Variants in ATP13A5 observed in about 807,000 individuals in gnomAD.
The protein encoded by ATP13A5 is probable cation-transporting ATPase 13A5.
Under a neutral mutation model 150.2 loss-of-function variants are expected in ATP13A5, and 149 were observed. That is an observed-to-expected ratio of 0.99 (90% CI 0.87 to 1.14). The LOEUF (loss-of-function observed/expected upper bound fraction) is 1.14, where lower values mean the gene tolerates loss of function less well. Among genes scored for constraint, ATP13A5 ranks in the 50% most tolerant of loss-of-function variants. The pLI is 0.00. For synonymous variants in ATP13A5, 497 were observed against 522.2 expected (o/e 0.95, Z 0.66); for missense variants, 1,383 against 1,449.3 (o/e 0.95, Z 0.74).
In ATP13A5 at chr3:193,362,365, A is replaced by C. The variant is rs1311238536; in HGVS notation, c.536+16T>G. 6.2e-7 allele frequency: 1 copy of C among 1,608,102 alleles called. No homozygotes were observed. On this transcript the variant is annotated intron_variant, in intron 5 of 29. Transcript: ENST00000342358. ...TGCTGGCAGAGTTTACTCTTAAGGC[A>C]TATAATAAGTCCTACCTGACCTCTT...
At chr3:193,349,690 A>C (rs1712487070) in intron 7 of ATP13A5, among the ~76,000 whole-genome samples, 1 of 152,152 alleles carries the variant, frequency 6.6e-6, no homozygotes, top group Non-Finnish European at 1.5e-5. Flanking sequence ...TTAAAACATC[A>C]ATGAGACCCG....
At chr3:193,366,517 T>C (rs1228514711) in intron 1 of ATP13A5, among the ~76,000 whole-genome samples, 2 of 151,960 alleles carry the variant, frequency 1.3e-5, no homozygotes, top group Non-Finnish European at 2.9e-5. Context: ...AAAGGAAGGA[T>C]ATTTCATAAG....
intron 6 of ATP13A5, 66 bp downstream of exon 6, chr3:193,354,061 C>T: frequency 7.4e-7 from 1 of 1,342,528 alleles, no homozygotes; most frequent in East Asian, 2.3e-5. Context: ...TGTGTTCCTT[C>T]TAGGAAGTAA....
chr3:193,285,988 T>G (rs1446191467), intron 26 of ATP13A5, among the ~76,000 whole-genome samples: 1 of 152,228 alleles, frequency 6.6e-6, no homozygotes, highest in Non-Finnish European at 1.5e-5. Context: ...GGGATTTTTT[T>G]GTGGTTTTGT....
At chr3:193,294,777 A>G (rs1224432753) in intron 25 of ATP13A5, among the ~76,000 whole-genome samples, 2 of 152,140 alleles carry the variant, frequency 1.3e-5, no homozygotes, top group African/African-American at 2.4e-5. Context: ...TTGAAAATAC[A>G]TTTATGCTGT....
Position 193,314,014 on chromosome 3 carries a change from C to A in ATP13A5, c.2319+19G>T, listed in dbSNP as rs367784705. ...CCATCAGTCTAGGCCCACGGAGGGG[C>A]CTTCTAACATTTGCTCACTTTCTTC... is the stretch of plus-strand genomic sequence containing the variant. On this transcript the variant is annotated intron_variant, in intron 19 of 29. Transcript: ENST00000342358. The A allele has an allele frequency of 1.4e-5, 23 of 1,611,584 alleles. No individual in the cohort carries two copies. The African/African-American group carries it at 2.4e-4, about 17-fold the overall frequency.
At chr3:193,366,503 G>A (rs1419333435) in intron 1 of ATP13A5, among the ~76,000 whole-genome samples, 1 of 151,910 alleles carries the variant, frequency 6.6e-6, no homozygotes, top group Non-Finnish European at 1.5e-5. Context: ...AATACTATGA[G>A]AGCAAAGGAA....
At position 193,362,414 on chromosome 3, in the gene ATP13A5, C is replaced by G. The variant is rs771592249; in HGVS notation, c.503G>C (p.Gly168Ala). 1.9e-6 allele frequency: 3 copies of G among 1,614,118 alleles called. No homozygotes were observed. The highest frequency in any genetic ancestry group is 1.7e-6 in the Non-Finnish European group (2 of 1,179,984). The stretch of plus-strand genomic sequence containing the variant: ...TTGCTCTTCACTGGTCAGACCCAAT[C>G]CAAATGTCTGATGGATGTCAGAGCA... The part of the protein sequence containing the change: ...NSCSDIHQTF[G>A]LGLTSEEQEV... The change falls in exon 5 of 30, where the codon GGA becomes GCA. Residue 168 changes from glycine (G) to alanine (A), a missense_variant. This residue lies in a region of ATP13A5 where 787 missense variants were observed against 771.9 expected (regional missense o/e 1.02). Coordinates refer to ENST00000342358, the MANE Select transcript of ATP13A5 (RefSeq NM_198505.4).
At chr3:193,276,295 A>C (rs1424845286) in intron 29 of ATP13A5, among the ~76,000 whole-genome samples, 2 of 152,232 alleles carry the variant, frequency 1.3e-5, no homozygotes, top group Non-Finnish European at 2.9e-5. Context: ...TGAGTAGAAA[A>C]GAAACACCGT....
At chr3:193,333,664 A>C (rs1711728730) in intron 11 of ATP13A5, 86 bp downstream of exon 11, 1 of 1,303,460 alleles carries the variant, frequency 7.7e-7, no homozygotes. Context: ...TGATGGGATC[A>C]AGATGTAACC....
At chr3:193,361,960 A>C (rs1022828481) in intron 5 of ATP13A5, among the ~76,000 whole-genome samples, 2 of 152,204 alleles carry the variant, frequency 1.3e-5, no homozygotes, top group Admixed American at 6.5e-5. Flanking sequence ...TATAGTGGTG[A>C]ATAACACAAC....
intron 6 of ATP13A5, among the ~76,000 whole-genome samples, chr3:193,352,227 T>C (rs1712591061): frequency 6.6e-6 from 1 of 152,224 alleles, no homozygotes; most frequent in Non-Finnish European, 1.5e-5. Flanking sequence ...ATATATTTTG[T>C]CCATTAAAAA....
rs574340915 is a variant in ATP13A5, at chr3:193,312,054, C to T, written c.2320-113G>A. The T allele has an allele frequency of 9.7e-6, 13 of 1,345,250 alleles. No individual in the cohort carries two copies. The South Asian group carries it at 1.7e-4, about 17-fold the overall frequency. The allele number at this position is 1,345,250 out of a possible 1,614,324, so 83.3% of individuals were successfully genotyped here. ...TGCCTAACAGTGTGAAGGTCAGCAA[C>T]AAAATAATGTGTAATTTGCCTATAG... On this transcript the variant is annotated intron_variant, in intron 19 of 29. Coordinates refer to ENST00000342358, the MANE Select transcript of ATP13A5 (RefSeq NM_198505.4).
At chr3:193,309,367 A>C (rs1159493721) in intron 21 of ATP13A5, among the ~76,000 whole-genome samples, 1 of 152,202 alleles carries the variant, frequency 6.6e-6, no homozygotes, top group South Asian at 2.1e-4. Context: ...ATTCTAAGCT[A>C]TACAACCTGC....
chr3:193,342,735 T>C (rs1165659155), intron 9 of ATP13A5, among the ~76,000 whole-genome samples: 1 of 152,170 alleles, frequency 6.6e-6, no homozygotes, highest in African/African-American at 2.4e-5. Flanking sequence ...GCAGTGAGAC[T>C]TTCTGTGTTT....
intron 27 of ATP13A5, among the ~76,000 whole-genome samples, chr3:193,281,441 G>A (rs1266620106): frequency 6.6e-6 from 1 of 152,228 alleles, no homozygotes; most frequent in East Asian, 1.9e-4. Flanking sequence ...TTCTTGGTTA[G>A]TTGCTGCTGC....
intron 5 of ATP13A5, among the ~76,000 whole-genome samples, chr3:193,355,531 C>A (rs906234869): frequency 6.6e-6 from 1 of 152,060 alleles, no homozygotes; most frequent in African/African-American, 2.4e-5. Flanking sequence ...GAGAGCTGAG[C>A]CCAAGTTTAT....
At position 193,315,136 on chromosome 3, in the gene ATP13A5, C is replaced by T. The variant is rs372124044; in HGVS notation, c.2034-40G>A. ...GAAAATCAATATTAAAGTATATCTACGTAGGCTCCATAGTTCAATTTATTT... is the reference window on the plus strand; with the variant it reads ...GAAAATCAATATTAAAGTATATCTATGTAGGCTCCATAGTTCAATTTATTT... On this transcript the variant is annotated intron_variant, in intron 17 of 29. Coordinates refer to ENST00000342358, the MANE Select transcript of ATP13A5 (RefSeq NM_198505.4). 65 of 1,565,602 alleles carry T rather than the reference C, an allele frequency of 4.2e-5. No homozygotes were observed. The African/African-American group carries it at 5.9e-4, about 14-fold the overall frequency.
At chr3:193,330,548 T>TCA (rs1711591104) in intron 12 of ATP13A5, among the ~76,000 whole-genome samples, 1 of 152,206 alleles carries the variant, frequency 6.6e-6, no homozygotes, top group South Asian at 2.1e-4. Flanking sequence ...CATAGGAGAC[T>TCA]CACGTCATGG....
Sources: allele counts gnomAD v4.1 joint callset (sites outside exome capture counted in the v4.1 genomes callset), GRCh38; gene constraint gnomAD v4.1.1; regional missense constraint gnomAD v4.1.1; transcripts MANE v1.5; gene names NCBI Gene and HGNC (gene_info 2026-07-23, HGNC 2026-07-21).